Variants in CHRNA7 observed in about 807,000 individuals in gnomAD.
CHRNA7 encodes the protein cholinergic receptor nicotinic alpha 7 subunit, also known as neuronal acetylcholine receptor subunit alpha-7.
CHRNA7 carries 17 observed loss-of-function variants against 48.0 expected under a neutral mutation model. The observed-to-expected ratio is 0.35, with a 90% CI of 0.24 to 0.53. CHRNA7 has a LOEUF of 0.53. CHRNA7 is among the 20% of genes least tolerant of loss of function. CHRNA7 has a pLI of 0.92. For synonymous variants in CHRNA7, 75 were observed against 242.3 expected (o/e 0.31, Z 6.41); for missense variants, 155 against 577.7 (o/e 0.27, Z 7.50).
chr15:32,040,866 A>G (rs2049436098), intron 2 of CHRNA7, among the ~76,000 whole-genome samples: 1 of 151,942 alleles, frequency 6.6e-6, no homozygotes, highest in Non-Finnish European at 1.5e-5. Flanking sequence ...GTCTGCTTGA[A>G]ACAAATTTCT....
At chr15:32,048,620 G>C (rs938067458) in intron 2 of CHRNA7, among the ~76,000 whole-genome samples, 13 of 151,994 alleles carry the variant, frequency 8.6e-5, no homozygotes, top group African/African-American at 2.9e-4. Flanking sequence ...CAAAAAACCA[G>C]CTCCTGGATT....
chr15:32,108,495 G>C (rs562216403), intron 3 of CHRNA7, among the ~76,000 whole-genome samples: 31 of 152,312 alleles, frequency 2.0e-4, no homozygotes, highest in Non-Finnish European at 3.7e-4. Flanking sequence ...TGCTTTCAGA[G>C]AACAACCTTT....
intron 2 of CHRNA7, among the ~76,000 whole-genome samples, chr15:32,071,827 CTT>C (rs60459993): frequency 3.5e-4 from 52 of 147,568 alleles, no homozygotes; most frequent in Admixed American, 6.7e-4. Flanking sequence ...AAATAAGCCT[CTT>C]TTTTTTTTTT....
intron 2 of CHRNA7, among the ~76,000 whole-genome samples, chr15:32,080,074 G>A (rs1211316519): frequency 6.6e-6 from 1 of 152,126 alleles, no homozygotes; most frequent in East Asian, 1.9e-4. Context: ...TTAATAAATG[G>A]TGCTAGGAGA....
intron 4 of CHRNA7, chr15:32,112,105 G>T: frequency 1.6e-6 from 1 of 632,170 alleles, no homozygotes; most frequent in Non-Finnish European, 2.9e-6. Context: ...ATGCACACGT[G>T]CACACGCTGG....
intron 4 of CHRNA7, among the ~76,000 whole-genome samples, chr15:32,151,263 A>G (rs2651415): frequency 0.94 from 143,591 of 152,152 alleles, 68,369 homozygotes; most frequent in East Asian, 1. Flanking sequence ...GTACTTTAAC[A>G]TCTTGCTGGG....
chr15:32,055,498 G>A (rs575376518), intron 2 of CHRNA7, among the ~76,000 whole-genome samples: 1 of 151,964 alleles, frequency 6.6e-6, no homozygotes, highest in African/African-American at 2.4e-5. Flanking sequence ...GAGTGGGTGT[G>A]AGAGAGAGAG....
At chr15:32,141,475 T>A (rs2051377437) in intron 4 of CHRNA7, among the ~76,000 whole-genome samples, 1 of 152,240 alleles carries the variant, frequency 6.6e-6, no homozygotes, top group South Asian at 2.1e-4. Context: ...ATTGGTAGCT[T>A]GATGGGGATG....
At chr15:32,078,433 G>T (rs1300412831) in intron 2 of CHRNA7, among the ~76,000 whole-genome samples, 1 of 152,046 alleles carries the variant, frequency 6.6e-6, no homozygotes, top group African/African-American at 2.4e-5. Flanking sequence ...TTTTTCGTAT[G>T]TGGATGTGAG....
intron 4 of CHRNA7, among the ~76,000 whole-genome samples, chr15:32,114,240 G>A (rs1176057140): frequency 2.0e-5 from 3 of 151,708 alleles, no homozygotes; most frequent in African/African-American, 7.3e-5. Flanking sequence ...TATGGCCTAT[G>A]TGTAGGATCT....
At chr15:32,047,165 G>T (rs1187368750) in intron 2 of CHRNA7, among the ~76,000 whole-genome samples, 1 of 134,260 alleles carries the variant, frequency 7.4e-6, no homozygotes, top group Non-Finnish European at 1.6e-5. Context: ...CTCTTTTTTG[G>T]TTCCATATGA....
intron 2 of CHRNA7, among the ~76,000 whole-genome samples, chr15:32,036,074 G>T (rs910863186): frequency 3.9e-5 from 6 of 152,124 alleles, no homozygotes; most frequent in African/African-American, 1.4e-4. Context: ...ATTTCTTTGT[G>T]CTCTCCCTGC....
intron 2 of CHRNA7, among the ~76,000 whole-genome samples, chr15:32,073,205 G>A (rs929495808): frequency 4.6e-5 from 7 of 152,172 alleles, no homozygotes; most frequent in East Asian, 1.9e-4. Context: ...CCCAGGATGC[G>A]GGACATGGAG....
At chr15:32,143,783 C>G (rs1443948584) in intron 4 of CHRNA7, among the ~76,000 whole-genome samples, 1 of 152,102 alleles carries the variant, frequency 6.6e-6, no homozygotes, top group African/African-American at 2.4e-5. Context: ...AGATCTTCCT[C>G]CATCCCTTCA....
At position 32,153,091 on chromosome 15, in the gene CHRNA7, C is replaced by A. The variant is rs1053387149; in HGVS notation, c.351-816C>A. On this transcript the variant is annotated intron_variant, in intron 4 of 9. Coordinates refer to ENST00000306901, the MANE Select transcript of CHRNA7 (RefSeq NM_000746.6). ...TGGAAGCCCTCTGGGGTTGTGGTGTCCAGCTCCCTCCTGCACCTGCAGTTC... is the reference window on the plus strand; with the variant it reads ...TGGAAGCCCTCTGGGGTTGTGGTGTACAGCTCCCTCCTGCACCTGCAGTTC... 1.3e-5 allele frequency among the ~76,000 whole-genome samples: 2 copies of A among 152,122 alleles called. 1 individual carries two copies. Among genetic ancestry groups the A allele is most frequent in the South Asian group, 4.1e-4 (2 of 4,824 alleles).
chr15:32,122,543 T>G (rs1374242266), intron 4 of CHRNA7, among the ~76,000 whole-genome samples: 1 of 152,228 alleles, frequency 6.6e-6, no homozygotes, highest in Non-Finnish European at 1.5e-5. Flanking sequence ...ATGGATCCTT[T>G]ATGGCTTTGG....
chr15:32,139,555 T>C lies in CHRNA7; in HGVS notation c.351-14352T>C, dbSNP rs2051337843. On this transcript the variant is annotated intron_variant, in intron 4 of 9. Coordinates refer to ENST00000306901, the MANE Select transcript of CHRNA7 (RefSeq NM_000746.6). ...TGTCAGTGTTCTGGATTTTGGTCATTCTAATAGATGCGTAGTGGTGTCTCA... is the reference window on the plus strand; with the variant it reads ...TGTCAGTGTTCTGGATTTTGGTCATCCTAATAGATGCGTAGTGGTGTCTCA... Among the ~76,000 whole-genome samples the C allele has an allele frequency of 2.0e-5, 3 of 151,972 alleles. No homozygotes were observed. In the South Asian group the frequency reaches 6.3e-4, roughly 32 times the overall value.
chr15:32,069,855 G>A (rs547704552), intron 2 of CHRNA7, among the ~76,000 whole-genome samples: 38 of 151,886 alleles, frequency 2.5e-4, no homozygotes, highest in Non-Finnish European at 5.0e-4. Flanking sequence ...TGAATATTGT[G>A]TTAGCAAACA....
chr15:32,056,839 G>C (rs2049795880), intron 2 of CHRNA7, among the ~76,000 whole-genome samples: 1 of 152,186 alleles, frequency 6.6e-6, no homozygotes, highest in African/African-American at 2.4e-5. Context: ...CAGTATGGAT[G>C]TTCTTATTTT....
Sources: allele counts gnomAD v4.1 joint callset (sites outside exome capture counted in the v4.1 genomes callset), GRCh38; gene constraint gnomAD v4.1.1; transcripts MANE v1.5; gene names NCBI Gene and HGNC (gene_info 2026-07-23, HGNC 2026-07-21).